TPRG1: variants seen among roughly 807,000 people sequenced by gnomAD.
TPRG1 encodes the protein tumor protein p63-regulated gene 1 protein.
A neutral mutation model predicts 29.3 loss-of-function variants in TPRG1; 29 were observed. The observed-to-expected ratio is 0.99, with a 90% confidence interval of 0.74 to 1.35. The LOEUF is 1.35. Ranked by LOEUF, TPRG1 falls within the 40% of genes most tolerant of loss-of-function variation. TPRG1 has a pLI of 0.00. For missense variants in TPRG1, 327 were observed against 335.0 expected, an observed-to-expected ratio of 0.98 and a Z score of 0.19; for synonymous variants, 130 against 116.8, an observed-to-expected ratio of 1.11 and a Z score of -0.73.
At chr3:189,163,105 C>T (rs1727697557) in intron 5 of TPRG1, among the ~76,000 whole-genome samples, 1 of 152,080 alleles carries the variant, frequency 6.6e-6, no homozygotes, top group Non-Finnish European at 1.5e-5. Context: ...AACCTGGTCT[C>T]TACTAAAAAT....
At chr3:189,290,906 TTTG>T (rs1009183499) in intron 4 of TPRG1, among the ~76,000 whole-genome samples, 5 of 152,060 alleles carry the variant, frequency 3.3e-5, no homozygotes, top group South Asian at 2.1e-4. Context: ...CCCATTTCTT[TTTG>T]TTGTTGTTGT....
At chr3:189,144,411 A>G (rs2108577699) in intron 3 of TPRG1, among the ~76,000 whole-genome samples, 1 of 152,338 alleles carries the variant, frequency 6.6e-6, no homozygotes, top group African/African-American at 2.4e-5. Context: ...ATGAAGAGGA[A>G]ACAGTACATA....
At chr3:189,044,248 C>T (rs1714817277) in intron 4 of TPRG1, among the ~76,000 whole-genome samples, 1 of 151,870 alleles carries the variant, frequency 6.6e-6, no homozygotes, top group African/African-American at 2.4e-5. Context: ...TTAGATGCAA[C>T]ATCATGACAA....
intron 4 of TPRG1, among the ~76,000 whole-genome samples, chr3:189,046,675 A>G (rs919282142): frequency 6.6e-6 from 1 of 152,206 alleles, no homozygotes; most frequent in Non-Finnish European, 1.5e-5. Flanking sequence ...AGATATTTGC[A>G]TTATACTTTT....
intron 1 of TPRG1, among the ~76,000 whole-genome samples, chr3:188,997,984 ACATTCATT>A (rs141808035): frequency 3.3e-5 from 5 of 152,188 alleles, no homozygotes; most frequent in East Asian, 1.9e-4. Context: ...AAAAAAATTC[ACATTCATT>A]CATTCATTCA....
chr3:189,196,706 C>G (rs1407713718), intron 1 of TPRG1, among the ~76,000 whole-genome samples: 1 of 152,126 alleles, frequency 6.6e-6, no homozygotes, highest in African/African-American at 2.4e-5. Flanking sequence ...TGGGTGGGGA[C>G]ACAGCCAAAT....
intron 3 of TPRG1, among the ~76,000 whole-genome samples, chr3:189,236,623 T>C (rs1435298987): frequency 6.6e-6 from 1 of 152,206 alleles, no homozygotes; most frequent in African/African-American, 2.4e-5. Flanking sequence ...AACTGTACTA[T>C]GGTATTCTAG....
At chr3:189,059,507 G>T (rs189446478) in intron 4 of TPRG1, among the ~76,000 whole-genome samples, 1 of 152,026 alleles carries the variant, frequency 6.6e-6, no homozygotes, top group Admixed American at 6.6e-5. Context: ...CAAGAGAACC[G>T]CTTGAACCCA....
chr3:189,105,043 A>G lies in TPRG1; in HGVS notation c.-744+4839A>G, dbSNP rs112889869. Reference sequence around the variant, plus strand: ...AAACTCATACTGAGAAATGCTAAAGATTTCCAATAAAATTTCTTTTCATGG... The same window carrying G: ...AAACTCATACTGAGAAATGCTAAAGGTTTCCAATAAAATTTCTTTTCATGG... On this transcript the variant is annotated intron_variant, in intron 1 of 6. Coordinates refer to the TPRG1 transcript ENST00000412373. Among the ~76,000 whole-genome samples the G allele has an allele frequency of 2.4e-3, 358 of 152,272 alleles. 2 individuals are homozygous for G. The highest frequency in any genetic ancestry group is 8.2e-3 in the African/African-American group (340 of 41,574).
At chr3:189,137,860 T>C (rs1010486799) in intron 3 of TPRG1, among the ~76,000 whole-genome samples, 5 of 151,628 alleles carry the variant, frequency 3.3e-5, no homozygotes, top group Non-Finnish European at 5.9e-5. Context: ...TATGATGAGA[T>C]CTTCTAAAGG....
chr3:189,182,297 G>A (rs988859528), intron 1 of TPRG1, among the ~76,000 whole-genome samples: 8 of 152,144 alleles, frequency 5.3e-5, no homozygotes, highest in African/African-American at 1.9e-4. Context: ...CTGCAATGAA[G>A]AACTCTTGCT....
intron 4 of TPRG1, among the ~76,000 whole-genome samples, chr3:189,024,443 T>A (rs1713548038): frequency 6.7e-6 from 1 of 149,104 alleles, no homozygotes; most frequent in South Asian, 2.1e-4. Flanking sequence ...AAACTCTGTC[T>A]ATATAATATA....
chr3:189,200,747 A>G (rs1308336871), intron 1 of TPRG1, among the ~76,000 whole-genome samples: 2 of 152,212 alleles, frequency 1.3e-5, no homozygotes, highest in African/African-American at 4.8e-5. Context: ...AATTGTAATT[A>G]ACTAACTGAG....
chr3:189,004,302 A>AAATCTG (rs1188414921), intron 2 of TPRG1, among the ~76,000 whole-genome samples: 2 of 152,136 alleles, frequency 1.3e-5, no homozygotes, highest in Non-Finnish European at 2.9e-5. Flanking sequence ...TGTACACTAA[A>AAATCTG]AATCTGTTTC....
intron 3 of TPRG1, chr3:189,004,902 T>G (rs1712208259): frequency 6.6e-6 from 1 of 152,154 alleles, no homozygotes; most frequent in Non-Finnish European, 1.5e-5. Context: ...GTATATTATT[T>G]ATGGGATATA....
intron 3 of TPRG1, among the ~76,000 whole-genome samples, chr3:189,224,284 C>T (rs555255266): frequency 5.9e-5 from 9 of 152,282 alleles, no homozygotes; most frequent in Admixed American, 2.6e-4. Context: ...AGATCGAGAC[C>T]ATCCTGGCCA....
chr3:189,000,842 G>A (rs1043676093), exon 2 of TPRG1: 3 of 151,698 alleles, frequency 2.0e-5, no homozygotes, highest in Non-Finnish European at 2.9e-5. Context: ...ACAAATTCCT[G>A]GGCTCAAGCA....
intron 1 of TPRG1, among the ~76,000 whole-genome samples, chr3:189,193,729 A>G (rs564510973): frequency 6.6e-6 from 1 of 150,908 alleles, no homozygotes; most frequent in Non-Finnish European, 1.5e-5. Flanking sequence ...CAACTTATTC[A>G]GAATACTGCG....
chr3:189,067,674 A>C (rs1716543434), intron 4 of TPRG1, among the ~76,000 whole-genome samples: 1 of 152,200 alleles, frequency 6.6e-6, no homozygotes, highest in Admixed American at 6.5e-5. Context: ...AAATCAAATC[A>C]AAATGGATTG....
Sources: gnomAD v4.1 joint callset for allele counts (sites outside exome capture counted in the v4.1 genomes callset) on GRCh38, gnomAD v4.1.1 for gene constraint, MANE v1.5 for transcripts, NCBI Gene and HGNC (gene_info 2026-07-23, HGNC 2026-07-21) for gene names.